ADCY2: variants seen among roughly 807,000 people sequenced by gnomAD.
The protein encoded by ADCY2 is adenylate cyclase 2.
ADCY2 carries 31 observed loss-of-function variants against 125.2 expected under a neutral mutation model. The observed-to-expected ratio is 0.25, with a 90% CI of 0.19 to 0.33. The LOEUF (loss-of-function observed/expected upper bound fraction) is 0.33, where lower values mean the gene tolerates loss of function less well. Among genes scored for constraint, ADCY2 ranks in the 10% least tolerant of loss-of-function variants. The pLI is 1.00. For missense variants in ADCY2, 904 were observed against 1,418.2 expected (o/e 0.64, Z 5.82); for synonymous variants, 512 against 548.4 (o/e 0.93, Z 0.93).
chr5:7,547,569 C>A (rs1228462681), intron 3 of ADCY2, among the ~76,000 whole-genome samples: 1 of 152,206 alleles, frequency 6.6e-6, no homozygotes, highest in Non-Finnish European at 1.5e-5. Flanking sequence ...GAATTTCTTA[C>A]AAGCCTTCAG....
In ADCY2 at chr5:7,827,060, G is replaced by A; in HGVS notation, c.*189G>A. On this transcript the variant is annotated 3_prime_UTR_variant, in exon 25 of 25. Transcript: ENST00000338316. ...GTGTGCCCAGATCGTTCTGCCACTT[G>A]CACTGTGCTTGCTCCTAAGCAAAAG... 3.0e-6 allele frequency: 2 copies of A among 673,718 alleles called. No individual in the cohort carries two copies. The highest frequency in any genetic ancestry group is 4.8e-6 in the Non-Finnish European group (2 of 416,100). The allele number at this position is 673,718 out of a possible 1,614,324, so 41.7% of individuals were successfully genotyped here. A position where few individuals can be genotyped will look rare whatever the true frequency, so the allele number is the denominator to read the frequency against.
chr5:7,570,907 A>G (rs2126600309), intron 3 of ADCY2, among the ~76,000 whole-genome samples: 1 of 152,256 alleles, frequency 6.6e-6, no homozygotes, highest in East Asian at 1.9e-4. Flanking sequence ...TTCATTATGA[A>G]ACCCTAGGCC....
chr5:7,580,875 C>G (rs1203901061), intron 3 of ADCY2, among the ~76,000 whole-genome samples: 1 of 152,170 alleles, frequency 6.6e-6, no homozygotes, highest in Admixed American at 6.5e-5. Flanking sequence ...ACTGTTGACA[C>G]TTCATCAGAA....
At chr5:7,621,873 G>A (rs373484310) in intron 3 of ADCY2, among the ~76,000 whole-genome samples, 24 of 152,280 alleles carry the variant, frequency 1.6e-4, no homozygotes, top group African/African-American at 4.1e-4. Context: ...ATATGTGGGC[G>A]TGTGGGCACG....
At chr5:7,551,864 G>A (rs1466700746) in intron 3 of ADCY2, among the ~76,000 whole-genome samples, 1 of 152,134 alleles carries the variant, frequency 6.6e-6, no homozygotes, top group East Asian at 1.9e-4. Flanking sequence ...GGTCACAGAT[G>A]CCTTTGAAAG....
chr5:7,773,550 A>G (rs916063398), intron 18 of ADCY2, among the ~76,000 whole-genome samples: 14 of 152,206 alleles, frequency 9.2e-5, no homozygotes, highest in African/African-American at 3.4e-4. Flanking sequence ...AGAAATTGCC[A>G]AATGTCCTCA....
chr5:7,456,563 A>G (rs1741676856), intron 2 of ADCY2, among the ~76,000 whole-genome samples: 1 of 152,226 alleles, frequency 6.6e-6, no homozygotes, highest in Non-Finnish European at 1.5e-5. Flanking sequence ...TACATGCTCC[A>G]CTTGCTGTGA....
chr5:7,789,570 T>C lies in ADCY2; in HGVS notation c.2470-72T>C. The C allele has an allele frequency of 2.8e-6, 4 of 1,454,442 alleles. No individual in the cohort carries two copies. The South Asian group carries it at 3.9e-5, about 14-fold the overall frequency. 90.1% of individuals were successfully genotyped at this position (1,454,442 alleles called of 1,614,324 possible). A position where few individuals can be genotyped will look rare whatever the true frequency, so the allele number is the denominator to read the frequency against. On this transcript the variant is annotated intron_variant, in intron 19 of 24. Transcript: ENST00000338316. The stretch of plus-strand genomic sequence containing the variant: ...GTTTCATTTTGTTCTTTTTGTTTTC[T>C]CTTTAAAACCTCCACTCTCTGGCAG...
chr5:7,652,517 G>A (rs564949643), intron 4 of ADCY2, among the ~76,000 whole-genome samples: 4 of 152,222 alleles, frequency 2.6e-5, no homozygotes, highest in East Asian at 1.9e-4. Context: ...AGGGTATGAC[G>A]CATTTTGGAT....
At chr5:7,484,852 T>C (rs931933838) in intron 2 of ADCY2, among the ~76,000 whole-genome samples, 4 of 152,184 alleles carry the variant, frequency 2.6e-5, no homozygotes, top group African/African-American at 9.7e-5. Context: ...CATGTTAAAA[T>C]TCAGCACTTC....
At chr5:7,739,219 T>C (rs1742341620) in intron 14 of ADCY2, among the ~76,000 whole-genome samples, 1 of 151,826 alleles carries the variant, frequency 6.6e-6, no homozygotes, top group South Asian at 2.1e-4. Context: ...AAAAAAATCA[T>C]ATAGTCTGAC....
intron 3 of ADCY2, among the ~76,000 whole-genome samples, chr5:7,545,407 T>C (rs991058385): frequency 7.2e-5 from 11 of 152,158 alleles, no homozygotes; most frequent in African/African-American, 1.9e-4. Context: ...TGGTGAGTGT[T>C]TGAGTGTCCT....
intron 18 of ADCY2, among the ~76,000 whole-genome samples, chr5:7,774,021 A>G (rs1215097238): frequency 2.0e-5 from 3 of 152,200 alleles, no homozygotes; most frequent in Admixed American, 6.5e-5. Flanking sequence ...TCTTATTTCT[A>G]CATTTATTTT....
chr5:7,485,426 A>C (rs962804832), intron 2 of ADCY2, among the ~76,000 whole-genome samples: 6 of 152,186 alleles, frequency 3.9e-5, no homozygotes, highest in African/African-American at 1.4e-4. Context: ...ATTAAGTTTA[A>C]TTTCAGCAAT....
At chr5:7,397,445 G>GTTTTTTTTTT (rs767411861) in intron 1 of ADCY2, among the ~76,000 whole-genome samples, 1 of 70,098 alleles carries the variant, frequency 1.4e-5, no homozygotes, top group African/African-American at 5.1e-5. Context: ...CCACCAGTGA[G>GTTTTTTTTTT]TTTTTTTTTT....
At chr5:7,764,898 G>A (rs1013081516) in intron 16 of ADCY2, among the ~76,000 whole-genome samples, 3 of 152,164 alleles carry the variant, frequency 2.0e-5, no homozygotes, top group Non-Finnish European at 2.9e-5. Flanking sequence ...ACGGAGGAAG[G>A]GAAGCTGATT....
chr5:7,503,118 G>T (rs987446080), intron 2 of ADCY2, among the ~76,000 whole-genome samples: 5 of 152,168 alleles, frequency 3.3e-5, no homozygotes, highest in African/African-American at 1.2e-4. Flanking sequence ...GCACACAGAA[G>T]GTGCTTGATA....
intron 3 of ADCY2, among the ~76,000 whole-genome samples, chr5:7,625,806 G>A (rs1738098954): frequency 1.3e-5 from 2 of 152,270 alleles, no homozygotes; most frequent in South Asian, 2.1e-4. Flanking sequence ...TTTTCCTAAT[G>A]AGGTGCAAGA....
intron 3 of ADCY2, among the ~76,000 whole-genome samples, chr5:7,562,744 A>G (rs1735746485): frequency 6.6e-6 from 1 of 152,190 alleles, no homozygotes; most frequent in Non-Finnish European, 1.5e-5. Context: ...GCTAGAAACT[A>G]CAAGACTTTA....
Sources: gnomAD v4.1 joint callset for allele counts (sites outside exome capture counted in the v4.1 genomes callset) on GRCh38, gnomAD v4.1.1 for gene constraint, MANE v1.5 for transcripts, NCBI Gene and HGNC (gene_info 2026-07-23, HGNC 2026-07-21) for gene names.